The following USH2A variants were observed in gnomAD, a reference collection of about 807,000 sequenced individuals.
The protein encoded by USH2A is usherin, also known as Usher syndrome 2A (autosomal recessive, mild).
A neutral mutation model predicts 538.9 loss-of-function variants in USH2A; 443 were observed. The ratio of observed to expected loss-of-function variants is 0.82; its 90% CI spans 0.76 to 0.89. USH2A has a LOEUF of 0.89. Ranked by LOEUF, USH2A falls within the 40% of genes least tolerant of loss-of-function variation. The pLI, the probability that USH2A is intolerant of heterozygous loss-of-function variation, is 0.00. For missense variants in USH2A, 6,633 were observed against 6,324.8 expected, an observed-to-expected ratio of 1.05 and a Z score of -1.65; for synonymous variants, 2,413 against 2,273.5, an observed-to-expected ratio of 1.06 and a Z score of -1.75.
intron 58 of USH2A, among the ~76,000 whole-genome samples, chr1:215,753,517 C>G (rs922308967): frequency 1.3e-5 from 2 of 152,100 alleles, no homozygotes; most frequent in African/African-American, 2.4e-5. Context: ...TGTGGGGACA[C>G]AGATGAAGGT....
chr1:215,742,962 T>G (rs1660348244), intron 59 of USH2A, among the ~76,000 whole-genome samples: 1 of 152,308 alleles, frequency 6.6e-6, no homozygotes, highest in South Asian at 2.1e-4. Context: ...AACCACCATT[T>G]TAATATATTT....
rs1553253927 is a variant in USH2A at position 215,693,116 on chromosome 1, G to GTATATA, written c.12067-12746_12067-12741dup. Among the ~76,000 whole-genome samples, 2,630 of 133,496 alleles carry GTATATA rather than the reference G, an allele frequency of 0.02. 158 individuals are homozygous for GTATATA. The East Asian group carries it at 0.23, about 12-fold the overall frequency. The allele number at this position is 133,496 out of a possible 152,430, so 87.6% of individuals were successfully genotyped here. On this transcript the variant is annotated intron_variant, in intron 61 of 71. Transcript: ENST00000307340. The stretch of plus-strand genomic sequence containing the variant: ...TATGTGTGTGTGTGTGTGTGTATGT[G>GTATATA]TATATATATATATATATACACACAC...
intron 4 of USH2A, among the ~76,000 whole-genome samples, chr1:216,330,830 T>C (rs1375515755): frequency 6.6e-6 from 1 of 151,950 alleles, no homozygotes; most frequent in African/African-American, 2.4e-5. Flanking sequence ...ATTACAGTCA[T>C]ATGTGTGAAA....
chr1:215,952,489 A>G (rs966845482), intron 37 of USH2A, among the ~76,000 whole-genome samples: 1 of 152,056 alleles, frequency 6.6e-6, no homozygotes, highest in African/African-American at 2.4e-5. Context: ...GGTCTTTACA[A>G]TTTGGCATGG....
chr1:215,825,556 G>C (rs1475251314), intron 47 of USH2A, among the ~76,000 whole-genome samples: 1 of 151,930 alleles, frequency 6.6e-6, no homozygotes, highest in Non-Finnish European at 1.5e-5. Flanking sequence ...AAACATTTTT[G>C]TTTGACCAGA....
chr1:216,420,288 TATTG>T (rs2039654455), intron 2 of USH2A, among the ~76,000 whole-genome samples: 1 of 152,158 alleles, frequency 6.6e-6, no homozygotes, highest in Non-Finnish European at 1.5e-5. Flanking sequence ...CTTAATATGT[TATTG>T]ATTATCTTCC....
At chr1:215,899,961 C>A in intron 40 of USH2A, 114 bp downstream of exon 40, 2 of 1,488,342 alleles carry the variant, frequency 1.3e-6, no homozygotes, top group Non-Finnish European at 1.9e-6. Context: ...AGGTTATTGT[C>A]ACTAAACAAC....
chr1:215,789,477 C>T (rs1661911355), intron 51 of USH2A, among the ~76,000 whole-genome samples: 1 of 152,124 alleles, frequency 6.6e-6, no homozygotes, highest in Admixed American at 6.5e-5. Context: ...TATCCTGGGT[C>T]AAGTTTAATA....
intron 11 of USH2A, among the ~76,000 whole-genome samples, chr1:216,270,326 G>T (rs2036551393): frequency 6.6e-6 from 1 of 152,102 alleles, no homozygotes; most frequent in Non-Finnish European, 1.5e-5. Context: ...CCCGGAAATT[G>T]AGTGTTAGTT....
chr1:216,257,126 C>G (rs1571629041), intron 11 of USH2A, among the ~76,000 whole-genome samples: 2 of 151,806 alleles, frequency 1.3e-5, no homozygotes, highest in Non-Finnish European at 2.9e-5. Flanking sequence ...TTTGGGTGCT[C>G]TTTGTTTCTT....
intron 71 of USH2A, among the ~76,000 whole-genome samples, chr1:215,627,417 C>CTTCCTTCCTTCCTTCTTTCCTTCCTTCT (rs1656075200): frequency 2.6e-5 from 3 of 113,834 alleles, no homozygotes; most frequent in Non-Finnish European, 3.7e-5. Flanking sequence ...TCCTTCCTTC[C>CTTCCTTCCTTCCTTCTTTCCTTCCTTCT]TTCCTTCCTT....
At chr1:215,930,967 T>C (rs1396727498) in intron 38 of USH2A, among the ~76,000 whole-genome samples, 1 of 151,996 alleles carries the variant, frequency 6.6e-6, no homozygotes, top group Admixed American at 6.6e-5. Context: ...AATACCTTAG[T>C]GCTAAATATG....
intron 14 of USH2A, among the ~76,000 whole-genome samples, chr1:216,219,723 T>G (rs558434620): frequency 5.6e-4 from 85 of 152,250 alleles, no homozygotes; most frequent in African/African-American, 2.0e-3. Flanking sequence ...AGCCAGAGCT[T>G]CTCCCGCAAT....
At chr1:216,344,389 C>A (rs542653721) in intron 4 of USH2A, among the ~76,000 whole-genome samples, 38 of 152,110 alleles carry the variant, frequency 2.5e-4, no homozygotes, top group Middle Eastern at 3.4e-3. Context: ...CAAGAAGCCA[C>A]CACATACATG....
At chr1:215,711,143 A>T (rs780587791) in intron 61 of USH2A, among the ~76,000 whole-genome samples, 4 of 152,216 alleles carry the variant, frequency 2.6e-5, no homozygotes, top group East Asian at 1.9e-4. Flanking sequence ...GAAATGCATG[A>T]ATTAAAATAT....
chr1:216,181,885 A>G (rs956151386), intron 20 of USH2A, among the ~76,000 whole-genome samples: 2 of 152,136 alleles, frequency 1.3e-5, no homozygotes, highest in African/African-American at 2.4e-5. Flanking sequence ...CACTGTGTAC[A>G]TGCATTAAAT....
intron 34 of USH2A, among the ~76,000 whole-genome samples, chr1:215,994,697 A>G (rs182716993): frequency 2.6e-5 from 4 of 152,260 alleles, no homozygotes; most frequent in Admixed American, 6.5e-5. Context: ...CAAGAAAAAA[A>G]CCATACTCCT....
intron 4 of USH2A, among the ~76,000 whole-genome samples, chr1:216,359,475 G>A (rs2038450304): frequency 6.6e-6 from 1 of 151,994 alleles, no homozygotes; most frequent in African/African-American, 2.4e-5. Context: ...GATCAAAGAA[G>A]CACACCTGGG....
intron 66 of USH2A, 38 bp downstream of exon 66, chr1:215,648,490 C>A (rs764795388): frequency 2.1e-5 from 33 of 1,600,860 alleles, no homozygotes; most frequent in Non-Finnish European, 2.5e-5. Context: ...TGTACACATG[C>A]CTTGTTAGTT....
Sources: gnomAD v4.1 joint callset for allele counts (sites outside exome capture counted in the v4.1 genomes callset) on GRCh38, gnomAD v4.1.1 for gene constraint, MANE v1.5 for transcripts, NCBI Gene and HGNC (gene_info 2026-07-23, HGNC 2026-07-21) for gene names.